PRKN: variants seen among roughly 807,000 people sequenced by gnomAD.
PRKN encodes E3 ubiquitin-protein ligase parkin.
A neutral mutation model predicts 59.5 loss-of-function variants in PRKN; 56 were observed. The ratio of observed to expected loss-of-function variants is 0.94; its 90% CI spans 0.76 to 1.18. The LOEUF is 1.18. PRKN is among the 50% of genes most tolerant of loss of function. PRKN has a pLI of 0.00. For missense variants in PRKN, 657 were observed against 596.4 expected (o/e 1.10, Z -1.06); for synonymous variants, 250 against 222.1 (o/e 1.13, Z -1.12).
Position 161,549,634 on chromosome 6 carries a change from AT to A in PRKN, c.934-632del, listed in dbSNP as rs1255048969. On this transcript the variant is annotated intron_variant, in intron 8 of 11. Transcript: ENST00000366898. This position sits in a 1 kb window ranked among gnomAD's most constrained non-coding sequence, Gnocchi z 6.0. Reference sequence around the variant, plus strand: ...TTTCTTCCTGGTACCGTTTTGCTCAATTTCCTTTAATGGTTTCCCCAGCCTG... The same window carrying A: ...TTTCTTCCTGGTACCGTTTTGCTCAATTCCTTTAATGGTTTCCCCAGCCTG... Among the ~76,000 whole-genome samples, 9 of 152,204 alleles carry A rather than the reference AT, an allele frequency of 5.9e-5. No individual in the cohort carries two copies. In the East Asian group the frequency reaches 1.7e-3, roughly 29 times the overall value.
At chr6:162,335,061 T>G (rs1480130044) in intron 2 of PRKN, among the ~76,000 whole-genome samples, 1 of 152,162 alleles carries the variant, frequency 6.6e-6, no homozygotes, top group Non-Finnish European at 1.5e-5. Flanking sequence ...TCCTCCAGGC[T>G]GGAGTGCAGT....
At chr6:162,399,797 A>G (rs1364174246) in intron 2 of PRKN, among the ~76,000 whole-genome samples, 2 of 152,182 alleles carry the variant, frequency 1.3e-5, no homozygotes, top group African/African-American at 4.8e-5. Flanking sequence ...AAAAAAAATA[A>G]AAATAAGATG....
intron 4 of PRKN, among the ~76,000 whole-genome samples, chr6:162,088,876 G>T (rs180794641): frequency 1.3e-5 from 2 of 152,256 alleles, no homozygotes; most frequent in Admixed American, 6.5e-5. Flanking sequence ...GAATGAAGCT[G>T]AGTTCCTACA....
At chr6:161,742,335 G>A (rs1788225059) in intron 7 of PRKN, among the ~76,000 whole-genome samples, 1 of 152,156 alleles carries the variant, frequency 6.6e-6, no homozygotes, top group Non-Finnish European at 1.5e-5. Context: ...GATGCGTCTT[G>A]CTTCCCCTTT....
At chr6:162,170,019 T>A (rs1278206407) in intron 4 of PRKN, among the ~76,000 whole-genome samples, 4 of 152,334 alleles carry the variant, frequency 2.6e-5, no homozygotes, top group Admixed American at 6.5e-5. Context: ...GCCTACCTCA[T>A]TACAAAGTGA....
chr6:161,654,862 A>T (rs867258005), intron 7 of PRKN, among the ~76,000 whole-genome samples: 27 of 152,190 alleles, frequency 1.8e-4, no homozygotes, highest in African/African-American at 6.3e-4. Context: ...CAGAAGAGAC[A>T]AGGGTGGATG....
chr6:162,677,466 G>T (rs1392974682), intron 1 of PRKN, among the ~76,000 whole-genome samples: 7 of 91,398 alleles, frequency 7.7e-5, no homozygotes, highest in South Asian at 4.5e-4. Flanking sequence ...GCACTGTGGA[G>T]AAAAAAAAAA....
At chr6:161,955,350 T>A (rs1308987035) in intron 6 of PRKN, among the ~76,000 whole-genome samples, 2 of 152,130 alleles carry the variant, frequency 1.3e-5, no homozygotes, top group African/African-American at 4.8e-5. Context: ...AGCCACTAAC[T>A]TACAGCTATT....
intron 2 of PRKN, among the ~76,000 whole-genome samples, chr6:162,386,954 T>C (rs1258741062): frequency 1.3e-5 from 2 of 152,202 alleles, no homozygotes; most frequent in Non-Finnish European, 2.9e-5. Flanking sequence ...GCAGAATCCC[T>C]GTCTTTTCTA....
intron 1 of PRKN, among the ~76,000 whole-genome samples, chr6:162,718,586 G>A (rs1359686084): frequency 6.6e-6 from 1 of 151,956 alleles, no homozygotes; most frequent in South Asian, 2.1e-4. Context: ...GGTGGCAGGC[G>A]CCTGTAGTCC....
intron 7 of PRKN, among the ~76,000 whole-genome samples, chr6:161,726,757 T>C (rs1175020389): frequency 6.6e-6 from 1 of 152,190 alleles, no homozygotes; most frequent in African/African-American, 2.4e-5. Flanking sequence ...AGATGCCTGA[T>C]AGGTCAGATA....
chr6:162,316,474 G>A (rs373974135), intron 2 of PRKN, among the ~76,000 whole-genome samples: 29 of 152,062 alleles, frequency 1.9e-4, no homozygotes, highest in Non-Finnish European at 3.7e-4. Flanking sequence ...GTCTATAATA[G>A]AGAAAACCAT....
At chr6:162,507,746 T>G (rs1330896585) in intron 1 of PRKN, among the ~76,000 whole-genome samples, 3 of 152,222 alleles carry the variant, frequency 2.0e-5, no homozygotes, top group Admixed American at 2.0e-4. Context: ...TCTCCCCTGT[T>G]GGAGTGTGAG....
chr6:162,081,723 G>C (rs1207403341), intron 4 of PRKN, among the ~76,000 whole-genome samples: 28 of 152,084 alleles, frequency 1.8e-4, no homozygotes, highest in Non-Finnish European at 1.3e-4. Context: ...CCTAACAAGA[G>C]AGTCAGCCTG....
chr6:162,293,454 G>A (rs1197611502), intron 2 of PRKN, among the ~76,000 whole-genome samples: 1 of 152,220 alleles, frequency 6.6e-6, no homozygotes, highest in Non-Finnish European at 1.5e-5. Flanking sequence ...GTGGAAACTT[G>A]CTGAGTTCTC....
intron 2 of PRKN, among the ~76,000 whole-genome samples, chr6:162,335,165 C>T (rs1490016054): frequency 6.6e-6 from 1 of 151,830 alleles, no homozygotes; most frequent in Admixed American, 6.6e-5. Context: ...AGGTACACGG[C>T]ACCACGTTTG....
At chr6:162,274,172 A>ATTTATTT (rs1780507696) in intron 2 of PRKN, among the ~76,000 whole-genome samples, 1 of 151,390 alleles carries the variant, frequency 6.6e-6, no homozygotes, top group African/African-American at 2.4e-5. Context: ...TTAATTTATT[A>ATTTATTT]ATTTATTAAT....
intron 4 of PRKN, among the ~76,000 whole-genome samples, chr6:162,108,331 A>G (rs1360865734): frequency 2.0e-5 from 3 of 152,202 alleles, no homozygotes; most frequent in African/African-American, 7.2e-5. Context: ...TCTGTGACCC[A>G]GCCTCACTAA....
chr6:161,515,996 T>C (rs1778572704), intron 9 of PRKN, among the ~76,000 whole-genome samples: 1 of 152,240 alleles, frequency 6.6e-6, no homozygotes, highest in Non-Finnish European at 1.5e-5. Flanking sequence ...CTCAGTGACC[T>C]GTAAGTAGTG....
Sources: allele counts gnomAD v4.1 joint callset (sites outside exome capture counted in the v4.1 genomes callset), GRCh38; gene constraint gnomAD v4.1.1; non-coding constraint Gnocchi (gnomAD v3.1); transcripts MANE v1.5; gene names NCBI Gene and HGNC (gene_info 2026-07-23, HGNC 2026-07-21).